IFT140: variants seen among roughly 807,000 people sequenced by gnomAD.
The protein encoded by IFT140 is intraflagellar transport protein 140 homolog.
A neutral mutation model predicts 164.6 loss-of-function variants in IFT140; 133 were observed. That is an observed-to-expected ratio of 0.81 (90% confidence interval 0.70 to 0.93). The LOEUF is 0.93. Among genes scored for constraint, IFT140 ranks in the 40% least tolerant of loss-of-function variants. IFT140 has a pLI of 0.00. For missense variants in IFT140, 2,045 were observed against 1,972.3 expected (o/e 1.04, Z -0.70); for synonymous variants, 860 against 817.3 (o/e 1.05, Z -0.89).
rs372049860 is a variant in IFT140, at chr16:1,553,517, G to C, written c.2399+4418C>G. 153 of 992,688 alleles carry C rather than the reference G, an allele frequency of 1.5e-4. 1 individual carries two copies. In the East Asian group the frequency reaches 5.5e-3, roughly 36 times the overall value. The allele number at this position is 992,688 out of a possible 1,614,324, so 61.5% of individuals were successfully genotyped here. ...GCTCGGCGTGGCCGGAGCCTGGGGA[G>C]GGACATGGACAAGTCCTCTATGGAC... is the stretch of plus-strand genomic sequence containing the variant. On this transcript the variant is annotated intron_variant, in intron 19 of 30. Transcript: ENST00000426508. The surrounding 1 kb of genome is among the most constrained non-coding windows in gnomAD (Gnocchi z 4.4).
At chr16:1,526,443 T>A (rs944627060) in intron 20 of IFT140, 176 bp downstream of exon 20, 3 of 726,822 alleles carry the variant, frequency 4.1e-6, no homozygotes, top group Non-Finnish European at 6.5e-6. Context: ...TCGCCTAGCC[T>A]CCACCCACCT....
chr16:1,552,486 C>G (rs1048135952), intron 19 of IFT140, among the ~76,000 whole-genome samples: 1 of 152,166 alleles, frequency 6.6e-6, no homozygotes, highest in Non-Finnish European at 1.5e-5. Context: ...CATGAGTGGA[C>G]GCTGTTCAAA....
intron 11 of IFT140, 79 bp downstream of exon 11, chr16:1,584,138 G>A: frequency 7.8e-7 from 1 of 1,276,546 alleles, no homozygotes; most frequent in African/African-American, 1.5e-5. Flanking sequence ...GCCATCTGGG[G>A]CCCTTGCTGC....
At chr16:1,596,260 A>G (rs1404513967) in intron 4 of IFT140, among the ~76,000 whole-genome samples, 1 of 150,490 alleles carries the variant, frequency 6.6e-6, no homozygotes, top group East Asian at 2.0e-4. Context: ...TCTGCAAAGC[A>G]TTTTATGCAC....
intron 19 of IFT140, 121 bp from the exon 20 acceptor site, chr16:1,526,917 G>A: frequency 1.8e-6 from 2 of 1,126,964 alleles, no homozygotes; most frequent in South Asian, 1.6e-5. Flanking sequence ...CATGAGGAGG[G>A]GCCTTCACCC....
chr16:1,586,001 G>A, intron 10 of IFT140, 129 bp downstream of exon 10: 1 of 1,041,426 alleles, frequency 9.6e-7, no homozygotes, highest in Non-Finnish European at 1.5e-6. Flanking sequence ...TCGATCTCCT[G>A]ACCTCATGAT....
At chr16:1,602,656 T>C in intron 3 of IFT140, 65 bp from the exon 4 acceptor site, 1 of 1,494,542 alleles carries the variant, frequency 6.7e-7, no homozygotes, top group Non-Finnish European at 9.2e-7. Context: ...AGAACTTCTG[T>C]CTAGGCCGGG....
chr16:1,552,998 T>C (rs1002854744), intron 19 of IFT140: 4 of 985,218 alleles, frequency 4.1e-6, no homozygotes, highest in African/African-American at 3.5e-5. Flanking sequence ...GAGCTACCCA[T>C]GTATAAGAAG....
At chr16:1,591,367 T>C (rs2035172888) in intron 6 of IFT140, among the ~76,000 whole-genome samples, 2 of 152,220 alleles carry the variant, frequency 1.3e-5, no homozygotes, top group South Asian at 2.1e-4. Flanking sequence ...ATTAGCTCTA[T>C]GTCTTCACCT....
chr16:1,605,222 C>T (rs192144556), intron 3 of IFT140, among the ~76,000 whole-genome samples: 1 of 152,090 alleles, frequency 6.6e-6, no homozygotes, highest in African/African-American at 2.4e-5. Context: ...CGCCCTACCC[C>T]TGCGCTCTCG....
intron 19 of IFT140, chr16:1,527,167 C>T (rs926635560): frequency 2.1e-5 from 5 of 243,730 alleles, no homozygotes; most frequent in Admixed American, 2.0e-4. Flanking sequence ...AAGCCTCCTG[C>T]TCTCACCTGA....
At chr16:1,587,603 G>C (rs563614551) in intron 8 of IFT140, among the ~76,000 whole-genome samples, 1 of 152,312 alleles carries the variant, frequency 6.6e-6, no homozygotes, top group East Asian at 1.9e-4. Context: ...CTGAGCTAAC[G>C]CAGCAGGCAG....
intron 19 of IFT140, chr16:1,541,446 C>A: frequency 1.0e-6 from 1 of 985,422 alleles, no homozygotes; most frequent in Non-Finnish European, 1.2e-6. Flanking sequence ...GGCAGCTGAG[C>A]ACGCAGGACA....
chr16:1,570,902 C>T lies in IFT140; in HGVS notation c.1652+505G>A, dbSNP rs991043473. ...TCCCAAGCAGGTGGGACTACAGGTA[C>T]GTGCCACCATGCCCAGCTAATTTTT... On this transcript the variant is annotated intron_variant, in intron 14 of 30. Coordinates refer to ENST00000426508, the MANE Select transcript of IFT140 (RefSeq NM_014714.4). Among the ~76,000 whole-genome samples, 9 of 152,212 alleles carry T rather than the reference C, an allele frequency of 5.9e-5. No homozygotes were observed. The East Asian group carries it at 9.7e-4, about 16-fold the overall frequency.
intron 19 of IFT140, among the ~76,000 whole-genome samples, chr16:1,535,733 C>A (rs2030997335): frequency 6.6e-6 from 1 of 152,242 alleles, no homozygotes; most frequent in African/African-American, 2.4e-5. Flanking sequence ...GGAATTCAAC[C>A]CCCTTGTCCA....
At chr16:1,540,956 G>A (rs2031575510) in intron 19 of IFT140, 1 of 985,398 alleles carries the variant, frequency 1.0e-6, no homozygotes, top group Non-Finnish European at 1.2e-6. Context: ...GCAGGGGCCT[G>A]GGAACACACT....
At chr16:1,534,158 C>A in intron 19 of IFT140, 1 of 1,358,720 alleles carries the variant, frequency 7.4e-7, no homozygotes, top group Non-Finnish European at 9.9e-7. Context: ...CCCGCGCCGC[C>A]CCGAGGATGA....
intron 12 of IFT140, among the ~76,000 whole-genome samples, chr16:1,582,792 A>G (rs1458099298): frequency 6.6e-6 from 1 of 152,246 alleles, no homozygotes; most frequent in African/African-American, 2.4e-5. Flanking sequence ...AATCCCAGCT[A>G]CTGGGGAGAC....
intron 19 of IFT140, among the ~76,000 whole-genome samples, chr16:1,544,239 C>T (rs886493946): frequency 3.4e-5 from 5 of 148,098 alleles, no homozygotes; most frequent in Non-Finnish European, 6.0e-5. Context: ...GCTGGAGTGC[C>T]GTGGCACAAT....
Sources: allele counts gnomAD v4.1 joint callset (sites outside exome capture counted in the v4.1 genomes callset), GRCh38; gene constraint gnomAD v4.1.1; non-coding constraint Gnocchi (gnomAD v3.1); transcripts MANE v1.5; gene names NCBI Gene and HGNC (gene_info 2026-07-23, HGNC 2026-07-21).